PIK3C3: variants seen among roughly 807,000 people sequenced by gnomAD.
PIK3C3 encodes PI3-kinase type 3.
A neutral mutation model predicts 126.1 loss-of-function variants in PIK3C3; 95 were observed. The ratio of observed to expected loss-of-function variants is 0.75; its 90% CI spans 0.64 to 0.89. PIK3C3 has a LOEUF of 0.89. PIK3C3 is among the 40% of genes least tolerant of loss of function. The pLI is 0.00. For missense variants in PIK3C3, 829 were observed against 1,063.2 expected, an observed-to-expected ratio of 0.78 and a Z score of 3.06; for synonymous variants, 374 against 360.0, an observed-to-expected ratio of 1.04 and a Z score of -0.44.
rs1481229421 is a variant in PIK3C3 at position 42,083,382 on chromosome 18, T to C, written c.*2245T>C. ...ATCACTTTAATTAAAAAAGTGTGAG[T>C]ACTATGGTCATTAAGTTATTCAGAG... is the stretch of plus-strand genomic sequence containing the variant. On this transcript the variant is annotated 3_prime_UTR_variant, in exon 25 of 25. Coordinates refer to ENST00000262039, the MANE Select transcript of PIK3C3 (RefSeq NM_002647.4). 1 of 152,174 alleles carries C rather than the reference T, an allele frequency of 6.6e-6. No individual in the cohort carries two copies. The highest frequency in any genetic ancestry group is 1.5e-5 in the Non-Finnish European group (1 of 68,024). The allele number at this position is 152,174 out of a possible 1,614,324, so 9.4% of individuals were successfully genotyped here.
intron 9 of PIK3C3, among the ~76,000 whole-genome samples, chr18:42,000,513 A>G (rs974209637): frequency 1.3e-5 from 2 of 152,182 alleles, no homozygotes; most frequent in African/African-American, 4.8e-5. Flanking sequence ...TTTGGAGACA[A>G]TGGCCAGGGG....
rs371941300 is a variant in PIK3C3, at chr18:42,038,890, C to T, written c.2038+40C>T. On this transcript the variant is annotated intron_variant, in intron 18 of 24. Transcript: ENST00000262039. ...CATCATTATTATTTACTTTAGTGTA[C>T]ATTGTGTGTACTTTTTCAAATTGAA... 7.1e-6 allele frequency: 9 copies of T among 1,265,522 alleles called. No homozygotes were observed. The African/African-American group carries it at 1.4e-4, about 19-fold the overall frequency. 78.4% of individuals were successfully genotyped at this position (1,265,522 alleles called of 1,614,324 possible).
intron 24 of PIK3C3, among the ~76,000 whole-genome samples, chr18:42,076,131 T>TATATATATATGTATGC (rs1395375969): frequency 1.2e-5 from 1 of 83,478 alleles, no homozygotes; most frequent in African/African-American, 7.8e-5. Context: ...TGCGCATATA[T>TATATATATATGTATGC]ATATATATAT....
chr18:42,004,294 A>G, intron 9 of PIK3C3, 62 bp from the exon 10 acceptor site: 1 of 1,288,048 alleles, frequency 7.8e-7, no homozygotes, highest in Non-Finnish European at 1.1e-6. Flanking sequence ...AACTCTGCCT[A>G]GTCAACTTCT....
chr18:42,060,943 C>CT (rs1288356358), intron 22 of PIK3C3, among the ~76,000 whole-genome samples: 1 of 152,136 alleles, frequency 6.6e-6, no homozygotes, highest in Non-Finnish European at 1.5e-5. Context: ...TTGAATAACA[C>CT]TTTCACAGGA....
intron 13 of PIK3C3, among the ~76,000 whole-genome samples, chr18:42,022,908 C>G (rs1484543946): frequency 6.6e-6 from 1 of 151,992 alleles, no homozygotes; most frequent in Non-Finnish European, 1.5e-5. Flanking sequence ...GTGTTCCAAT[C>G]TGAATATTTA....
intron 15 of PIK3C3, among the ~76,000 whole-genome samples, chr18:42,032,675 C>T (rs528789706): frequency 1.4e-5 from 2 of 138,506 alleles, no homozygotes; most frequent in Non-Finnish European, 3.1e-5. Context: ...TTTTAATTAG[C>T]GCATCAACTA....
rs1568013588 is a variant in PIK3C3, at chr18:42,076,123, C to CATATAT, written c.2650-5000_2650-4999insATATAT. Among the ~76,000 whole-genome samples the CATATAT allele has an allele frequency of 2.0e-3, 60 of 30,236 alleles. 2 individuals carry two copies. The highest frequency in any genetic ancestry group is 6.9e-3 in the African/African-American group (43 of 6,260). 19.8% of individuals were successfully genotyped at this position (30,236 alleles called of 152,430 possible). ...ATATATATATATATATATATATATGCGCATATATATATATATATATGCGCA... is the reference window on the plus strand; with the variant it reads ...ATATATATATATATATATATATATGCATATATGCATATATATATATATATATGCGCA... On this transcript the variant is annotated intron_variant, in intron 24 of 24. Coordinates refer to ENST00000262039, the MANE Select transcript of PIK3C3 (RefSeq NM_002647.4).
chr18:42,056,972 T>TA lies in PIK3C3; in HGVS notation c.2264-910dup, dbSNP rs542941138. ...CCCCCAAAATCAGTTTCATTGTACT[T>TA]AGAGACCATTAAAGCCCATTTTGGG... On this transcript the variant is annotated intron_variant, in intron 21 of 24. Transcript: ENST00000262039. 2.2e-4 allele frequency among the ~76,000 whole-genome samples: 34 copies of TA among 151,918 alleles called. 1 individual carries two copies. In the South Asian group the frequency reaches 6.9e-3, roughly 31 times the overall value.
intron 20 of PIK3C3, among the ~76,000 whole-genome samples, chr18:42,046,309 A>AT (rs1329146306): frequency 6.9e-4 from 105 of 152,256 alleles, no homozygotes; most frequent in African/African-American, 2.5e-3. Flanking sequence ...ATAATGTTTT[A>AT]ATGTTTTTGC....
chr18:41,968,315 G>A (rs1467498006), intron 3 of PIK3C3, among the ~76,000 whole-genome samples: 5 of 152,138 alleles, frequency 3.3e-5, no homozygotes, highest in Middle Eastern at 3.2e-3. Context: ...CTCACTGTAC[G>A]TAGTTCCTTA....
chr18:42,062,098 A>G (rs1005783919), intron 22 of PIK3C3, among the ~76,000 whole-genome samples: 2 of 152,172 alleles, frequency 1.3e-5, no homozygotes, highest in African/African-American at 2.4e-5. Context: ...AACTTCTAAT[A>G]TATCTCTTTC....
At chr18:41,992,786 T>G (rs1322544208) in intron 6 of PIK3C3, among the ~76,000 whole-genome samples, 1 of 152,136 alleles carries the variant, frequency 6.6e-6, no homozygotes, top group East Asian at 1.9e-4. Context: ...TGAGTAATAT[T>G]AACCCTACAC....
At chr18:42,036,607 C>T (rs1249148183) in intron 16 of PIK3C3, among the ~76,000 whole-genome samples, 1 of 151,674 alleles carries the variant, frequency 6.6e-6, no homozygotes, top group Non-Finnish European at 1.5e-5. Context: ...TTATGATTCC[C>T]CCTTTCTAAA....
chr18:42,030,198 A>T (rs1225156593), intron 15 of PIK3C3, among the ~76,000 whole-genome samples: 4 of 152,212 alleles, frequency 2.6e-5, no homozygotes, highest in Non-Finnish European at 4.4e-5. Context: ...ACAAAAGTCC[A>T]GATTGACTTG....
intron 24 of PIK3C3, among the ~76,000 whole-genome samples, chr18:42,073,849 A>G (rs966928424): frequency 6.6e-6 from 1 of 152,048 alleles, no homozygotes; most frequent in African/African-American, 2.4e-5. Flanking sequence ...GCAACCTTCT[A>G]GGTCAGTGAG....
intron 24 of PIK3C3, among the ~76,000 whole-genome samples, chr18:42,080,385 C>T (rs1339363352): frequency 6.6e-6 from 1 of 152,170 alleles, no homozygotes; most frequent in Non-Finnish European, 1.5e-5. Flanking sequence ...CACACAGACA[C>T]ACTTGTCAGC....
intron 13 of PIK3C3, among the ~76,000 whole-genome samples, chr18:42,024,990 G>A (rs1567988346): frequency 6.6e-6 from 1 of 151,462 alleles, no homozygotes; most frequent in Non-Finnish European, 1.5e-5. Context: ...ATTTTTTTTA[G>A]TATAGTAGAG....
intron 10 of PIK3C3, among the ~76,000 whole-genome samples, chr18:42,006,660 C>A (rs1411148921): frequency 6.6e-6 from 1 of 152,034 alleles, no homozygotes; most frequent in African/African-American, 2.4e-5. Flanking sequence ...TTTATTTTAG[C>A]ATGTCCTGAA....
Sources: gnomAD v4.1 joint callset for allele counts (sites outside exome capture counted in the v4.1 genomes callset) on GRCh38, gnomAD v4.1.1 for gene constraint, MANE v1.5 for transcripts, NCBI Gene and HGNC (gene_info 2026-07-23, HGNC 2026-07-21) for gene names.